RBMXL1: variants seen among roughly 807,000 people sequenced by gnomAD.
RBMXL1 encodes RNA binding motif protein, X-linked-like-1.
In RBMXL1, 18 loss-of-function variants were observed where a neutral mutation model predicts 29.0. The observed-to-expected ratio is 0.62, with a 90% CI of 0.43 to 0.92. The LOEUF is 0.92. Ranked by LOEUF, RBMXL1 falls within the 40% of genes least tolerant of loss-of-function variation. RBMXL1 has a pLI of 0.00. For synonymous variants in RBMXL1, 141 were observed against 170.4 expected (o/e 0.83, Z 1.34); for missense variants, 403 against 495.8 (o/e 0.81, Z 1.78).
chr1:88,984,204 C>CTTTTTTTTTTTTTTTTTTTTTT (rs908183722), intron 2 of RBMXL1, 138 bp from the exon 3 acceptor site: 2 of 81,470 alleles, frequency 2.5e-5, no homozygotes, highest in African/African-American at 4.4e-5. Flanking sequence ...TTTTTTGTTG[C>CTTTTTTTTTTTTTTTTTTTTTT]TTTTTTTTTT....
At chr1:88,987,385 C>A (rs1354871976) in intron 2 of RBMXL1, among the ~76,000 whole-genome samples, 2 of 152,044 alleles carry the variant, frequency 1.3e-5, no homozygotes, top group Non-Finnish European at 2.9e-5. Flanking sequence ...AGGTAGAATT[C>A]ATAAGATTTA....
chr1:88,986,734 T>A (rs1289956897), intron 2 of RBMXL1, among the ~76,000 whole-genome samples: 1 of 152,162 alleles, frequency 6.6e-6, no homozygotes, highest in Admixed American at 6.5e-5. Context: ...ACATTAAGGA[T>A]GATGTGGATG....
At chr1:88,986,567 C>T (rs1190176833) in intron 2 of RBMXL1, among the ~76,000 whole-genome samples, 1 of 150,296 alleles carries the variant, frequency 6.7e-6, no homozygotes, top group Non-Finnish European at 1.5e-5. Context: ...GCTGGGATTG[C>T]AGGTGTTAGC....
Position 88,981,822 on chromosome 1 carries a change from A to G in RBMXL1, c.*832T>C. ...AATGCTGATAGATTCACTTTTTAGA[A>G]GTCATAAGCCTTTAGGAAGTTGGAG... On this transcript the variant is annotated 3_prime_UTR_variant, in exon 3 of 3. Transcript: ENST00000652648. The G allele has an allele frequency of 2.9e-6, 1 of 339,670 alleles. No individual in the cohort carries two copies. Among genetic ancestry groups the G allele is most frequent in the Non-Finnish European group, 4.2e-6 (1 of 236,516 alleles). 21.0% of individuals were successfully genotyped at this position (339,670 alleles called of 1,614,324 possible).
chr1:88,982,559 C>T lies in RBMXL1; in HGVS notation c.*95G>A, dbSNP rs566202758. The T allele has an allele frequency of 1.4e-6, 2 of 1,467,038 alleles. No homozygotes were observed. 90.9% of individuals were successfully genotyped at this position (1,467,038 alleles called of 1,614,324 possible). On this transcript the variant is annotated 3_prime_UTR_variant, in exon 3 of 3. Coordinates refer to ENST00000652648, the MANE Select transcript of RBMXL1 (RefSeq NM_001162536.3). ...ATTTAAAAAAGGTAACACAATTTTT[C>T]CTTTTAGTAGTCCTTGGGTAGTTAT...
At position 88,982,650 on chromosome 1, in the gene RBMXL1, G is replaced by C. The variant is rs1388715590; in HGVS notation, c.*4C>G. The C allele has an allele frequency of 6.3e-7, 1 of 1,585,588 alleles. No individual in the cohort carries two copies. The highest frequency in any genetic ancestry group is 2.2e-5 in the East Asian group (1 of 44,542). On this transcript the variant is annotated 3_prime_UTR_variant, in exon 3 of 3. Transcript: ENST00000652648. ...GGGATTTTGGTCCAAAGTTTTGTTT[G>C]TTTCTAGTATCTGCTTCTGCCTCCC...
At chr1:88,991,394 G>A (rs576815444) in intron 1 of RBMXL1, among the ~76,000 whole-genome samples, 1 of 152,324 alleles carries the variant, frequency 6.6e-6, no homozygotes, top group South Asian at 2.1e-4. Context: ...AGATTAACAT[G>A]AGGCAAAAAG....
chr1:88,990,549 C>T (rs2101106371), intron 1 of RBMXL1, among the ~76,000 whole-genome samples: 1 of 152,316 alleles, frequency 6.6e-6, no homozygotes, highest in South Asian at 2.1e-4. Flanking sequence ...CTGAGAAACA[C>T]CATGTCCCCT....
At chr1:88,988,132 A>G (rs189203122) in intron 2 of RBMXL1, 120 bp downstream of exon 2, 2 of 633,836 alleles carry the variant, frequency 3.2e-6, no homozygotes, top group East Asian at 2.9e-5. Flanking sequence ...CACCTTCAGC[A>G]TATGTAATAG....
At chr1:88,988,451 A>T in intron 1 of RBMXL1, 100 bp from the exon 2 acceptor site, 1 of 610,294 alleles carries the variant, frequency 1.6e-6, no homozygotes. Context: ...GCTTACGTAA[A>T]ATCCAAGTAA....
chr1:88,983,846 T>G lies in RBMXL1; in HGVS notation c.-20A>C, dbSNP rs1570843111. The G allele has an allele frequency of 4.3e-6, 7 of 1,613,060 alleles. No individual in the cohort carries two copies. The South Asian group carries it at 6.6e-5, about 15-fold the overall frequency. ...AACCATTTTTTTTTTTGCCGGTGAG[T>G]CGGAGGGGTGACAGTGGGTTCAAGC... On this transcript the variant is annotated 5_prime_UTR_variant, in exon 3 of 3. Transcript: ENST00000652648.
chr1:88,986,971 G>C (rs1298418463), intron 2 of RBMXL1, among the ~76,000 whole-genome samples: 1 of 152,148 alleles, frequency 6.6e-6, no homozygotes, highest in Non-Finnish European at 1.5e-5. Context: ...CAAACACTTT[G>C]GCAGTTACTT....
rs753345867 is a variant in RBMXL1, at chr1:88,983,176, T to C, written c.651A>G (p.Lys217=). The C allele has an allele frequency of 6.2e-7, 1 of 1,612,662 alleles. No individual in the cohort carries two copies. The highest frequency in any genetic ancestry group is 1.1e-5 in the South Asian group (1 of 91,022). ...LSPRDDGYST[K]DSYSSRDYPS... is the part of the protein sequence containing the mutation. ...GGTAATCTCTGCTTGAATAGCTGTC[T>C]TTAGTAGAATACCCATCATCTCTTG... Residue 217 remains lysine (K), a synonymous_variant, in exon 3 of 3, where the codon AAA becomes AAG. Transcript: ENST00000652648.
In RBMXL1 at chr1:88,982,905, T is replaced by G. The variant is rs1227479386; in HGVS notation, c.922A>C (p.Ser308Arg). ...RGPPPSYGGSSRYDDYSSSRD... is the reference protein window; with the variant it reads ...RGPPPSYGGSRRYDDYSSSRD... ...GAGCTGCTATAATCATCATAGCGAC[T>G]GCTTCCACCATAAGATGGCGGGGGC... The change falls in exon 3 of 3, where the codon AGT becomes CGT. Residue 308 changes from serine (S) to arginine (R), a missense_variant. By Grantham distance (110) the Ser-to-Arg change is moderately radical (BLOSUM62 -1). Transcript: ENST00000652648. 1 of 1,613,912 alleles carries G rather than the reference T, an allele frequency of 6.2e-7. No individual in the cohort carries two copies. The highest frequency in any genetic ancestry group is 1.7e-5 in the Admixed American group (1 of 59,996).
At position 88,980,325 on chromosome 1, in the gene RBMXL1, G is replaced by A. The variant is rs1268682290; in HGVS notation, c.*2329C>T. 1 of 152,494 alleles carries A rather than the reference G, an allele frequency of 6.6e-6. No individual in the cohort carries two copies. Among genetic ancestry groups the A allele is most frequent in the Non-Finnish European group, 1.5e-5 (1 of 68,012 alleles). The allele number at this position is 152,494 out of a possible 1,614,324, so 9.4% of individuals were successfully genotyped here. ...AACTTGATAAAGCTGAATTTAAAAA[G>A]CTGCCAGAGTATTCTGAAATCATGC... On this transcript the variant is annotated 3_prime_UTR_variant, in exon 3 of 3. Transcript: ENST00000652648.
At chr1:88,987,339 G>A (rs1033063577) in intron 2 of RBMXL1, among the ~76,000 whole-genome samples, 2 of 152,022 alleles carry the variant, frequency 1.3e-5, no homozygotes, top group Non-Finnish European at 2.9e-5. Flanking sequence ...AGGTGGTCAC[G>A]GTGGCATAAA....
Position 88,983,364 on chromosome 1 carries a change from G to A in RBMXL1, c.463C>T (p.Pro155Ser), listed in dbSNP as rs758626579. 1.7e-5 allele frequency: 27 copies of A among 1,614,096 alleles called. No individual in the cohort carries two copies. Among genetic ancestry groups the A allele is most frequent in the South Asian group, 1.6e-4 (15 of 91,092 alleles). ...TTAGGAGAAGGACCCCCACTTCTTG[G>A]TGGTGGTCCTCTTTTTACTGGGAGT... ...GPLPVKRGPPPRSGGPSPKRS... is the reference protein window; with the variant it reads ...GPLPVKRGPPSRSGGPSPKRS... Residue 155 changes from proline to serine, a missense_variant, in exon 3 of 3, where the codon CCA becomes TCA. Physicochemically the swap from Pro to Ser is moderately conservative, Grantham distance 74. Transcript: ENST00000652648.
chr1:88,988,693 G>A (rs1279945420), intron 1 of RBMXL1, among the ~76,000 whole-genome samples: 1 of 152,160 alleles, frequency 6.6e-6, no homozygotes, highest in African/African-American at 2.4e-5. Context: ...ATAAAATCCA[G>A]AGTATTTCAA....
rs577453684 is a variant in RBMXL1 at position 88,982,502 on chromosome 1, A to T, written c.*152T>A. On this transcript the variant is annotated 3_prime_UTR_variant, in exon 3 of 3. Coordinates refer to ENST00000652648, the MANE Select transcript of RBMXL1 (RefSeq NM_001162536.3). The stretch of plus-strand genomic sequence containing the variant: ...ATGTTTTACTTTTTTCCTCACAAGA[A>T]CATAAAAATTACGGAAGGGACTTAA... 2.4e-6 allele frequency: 3 copies of T among 1,252,506 alleles called. No homozygotes were observed. The East Asian group carries it at 7.6e-5, about 32-fold the overall frequency. The allele number at this position is 1,252,506 out of a possible 1,614,324, so 77.6% of individuals were successfully genotyped here.
Sources: gnomAD v4.1 joint callset for allele counts (sites outside exome capture counted in the v4.1 genomes callset) on GRCh38, gnomAD v4.1.1 for gene constraint, MANE v1.5 for transcripts, NCBI Gene and HGNC (gene_info 2026-07-23, HGNC 2026-07-21) for gene names.